Variants in TLN2 observed in about 807,000 individuals in gnomAD.
TLN2 encodes talin 2, also known as talin-2.
A neutral mutation model predicts 294.7 loss-of-function variants in TLN2; 118 were observed. That is an observed-to-expected ratio of 0.40 (90% CI 0.34 to 0.47). The LOEUF (loss-of-function observed/expected upper bound fraction) is 0.47, where lower values mean the gene tolerates loss of function less well. Among genes scored for constraint, TLN2 ranks in the 20% least tolerant of loss-of-function variants. TLN2 has a pLI of 0.84. For missense variants in TLN2, 3,083 were observed against 3,282.2 expected (o/e 0.94, Z 1.48); for synonymous variants, 1,431 against 1,304.5 (o/e 1.10, Z -2.09).
At chr15:62,441,144 A>T (rs558642175) in intron 1 of TLN2, among the ~76,000 whole-genome samples, 1 of 152,256 alleles carries the variant, frequency 6.6e-6, no homozygotes, top group African/African-American at 2.4e-5. Context: ...TTCCAGTACA[A>T]GCAGAGATGG....
chr15:62,754,039 G>A, intron 36 of TLN2, 123 bp downstream of exon 36: 1 of 1,293,658 alleles, frequency 7.7e-7, no homozygotes, highest in Non-Finnish European at 1.0e-6. Flanking sequence ...GTAGCTAAAT[G>A]CCAGCATTGT....
rs560104119 is a variant in TLN2 at position 62,559,026 on chromosome 15, C to G, written c.-237-30661C>G. On this transcript the variant is annotated intron_variant, in intron 1 of 58. Transcript: ENST00000636159. ...AATAATCCTTCATATTTTGGGGTGG[C>G]CTATTCTGGTCTCCCACATTCCTGA... Among the ~76,000 whole-genome samples the G allele has an allele frequency of 3.9e-5, 6 of 152,278 alleles. No homozygotes were observed. In the South Asian group the frequency reaches 1.0e-3, roughly 26 times the overall value.
At chr15:62,640,758 C>T (rs2050971996) in intron 3 of TLN2, among the ~76,000 whole-genome samples, 1 of 152,002 alleles carries the variant, frequency 6.6e-6, no homozygotes, top group Non-Finnish European at 1.5e-5. Context: ...TGTGTGACTG[C>T]GATAAGAATA....
rs898178787 is a variant in TLN2, at chr15:62,692,844, T to C, written c.1118T>C (p.Phe373Ser). 12 of 1,612,686 alleles carry C rather than the reference T, an allele frequency of 7.4e-6. No individual in the cohort carries two copies. The highest frequency in any genetic ancestry group is 2.2e-5 in the East Asian group (1 of 44,856). The change falls in exon 13 of 59, where the codon TTT becomes TCT. Residue 373 changes from phenylalanine (F) to serine (S), a missense_variant. Transcript: ENST00000636159. Reference sequence around the variant, plus strand: ...CCTCCATTGCTGTCTTTTCAGGATTTTGGGGAGTATCAGGAAAGCTACTAT... The same window carrying C: ...CCTCCATTGCTGTCTTTTCAGGATTCTGGGGAGTATCAGGAAAGCTACTAT... Reference protein sequence around the residue: ...AASPKSFTLDFGEYQESYYSV... With the variant: ...AASPKSFTLDSGEYQESYYSV...
At chr15:62,475,711 T>TCA (rs1308201914) in intron 1 of TLN2, among the ~76,000 whole-genome samples, 2 of 152,230 alleles carry the variant, frequency 1.3e-5, no homozygotes, top group African/African-American at 2.4e-5. Context: ...AGTTCTTTCT[T>TCA]GAACTTTGTT....
chr15:62,714,368 A>G (rs2059634749), intron 22 of TLN2, among the ~76,000 whole-genome samples: 1 of 151,666 alleles, frequency 6.6e-6, no homozygotes, highest in South Asian at 2.1e-4. Context: ...ACGCCCGGCT[A>G]ATTTTTTGTA....
At chr15:62,438,527 G>A (rs2035402102) in intron 1 of TLN2, among the ~76,000 whole-genome samples, 1 of 152,250 alleles carries the variant, frequency 6.6e-6, no homozygotes, top group African/African-American at 2.4e-5. Context: ...ACCACTTGCA[G>A]CATTTATTTA....
chr15:62,504,842 TGTGTGAGA>T (rs1362500559), intron 1 of TLN2, among the ~76,000 whole-genome samples: 107 of 143,546 alleles, frequency 7.5e-4, no homozygotes, highest in African/African-American at 2.6e-3. Context: ...TGTGTGTGTG[TGTGTGAGA>T]GAGAGAGAGA....
chr15:62,804,306 T>C (rs1017991483), intron 50 of TLN2, among the ~76,000 whole-genome samples: 1 of 152,118 alleles, frequency 6.6e-6, no homozygotes, highest in African/African-American at 2.4e-5. Context: ...TTATTTAAAA[T>C]TCACCCAGAG....
intron 25 of TLN2, among the ~76,000 whole-genome samples, chr15:62,720,433 T>G (rs566589410): frequency 6.6e-6 from 1 of 152,340 alleles, no homozygotes; most frequent in South Asian, 2.1e-4. Context: ...TCTCTCTACT[T>G]TATCAGCACT....
At chr15:62,485,560 C>T (rs1269148941) in intron 1 of TLN2, among the ~76,000 whole-genome samples, 1 of 152,188 alleles carries the variant, frequency 6.6e-6, no homozygotes, top group Non-Finnish European at 1.5e-5. Context: ...TGGTTGTGCT[C>T]TGAGAGCTTG....
At chr15:62,766,293 A>T (rs749354896) in intron 40 of TLN2, 28 bp from the exon 41 acceptor site, 26 of 1,596,428 alleles carry the variant, frequency 1.6e-5, no homozygotes, top group Non-Finnish European at 2.2e-5. Context: ...CTGTTATGGG[A>T]TGAACTTGAC....
chr15:62,807,404 C>T (rs967435401), intron 51 of TLN2, among the ~76,000 whole-genome samples: 6 of 152,318 alleles, frequency 3.9e-5, no homozygotes, highest in African/African-American at 1.2e-4. Flanking sequence ...ACCAAGGTCA[C>T]GCAGCTATTT....
At chr15:62,579,345 A>T (rs2044710200) in intron 1 of TLN2, among the ~76,000 whole-genome samples, 1 of 152,206 alleles carries the variant, frequency 6.6e-6, no homozygotes, top group Non-Finnish European at 1.5e-5. Flanking sequence ...TTTGAGGGTT[A>T]CAATAACTGC....
At chr15:62,452,117 G>A (rs550603889) in intron 1 of TLN2, among the ~76,000 whole-genome samples, 12 of 147,190 alleles carry the variant, frequency 8.2e-5, no homozygotes, top group African/African-American at 3.0e-4. Flanking sequence ...GCTGAGCATG[G>A]GGTGATGCCA....
chr15:62,509,643 G>T (rs2039827433), intron 1 of TLN2, among the ~76,000 whole-genome samples: 1 of 152,146 alleles, frequency 6.6e-6, no homozygotes, highest in Non-Finnish European at 1.5e-5. Context: ...TGGTCCTCTG[G>T]TCCCCTCCTT....
chr15:62,580,841 C>T (rs977762231), intron 1 of TLN2, among the ~76,000 whole-genome samples: 3 of 77,430 alleles, frequency 3.9e-5, no homozygotes, highest in Admixed American at 1.5e-4. Context: ...TTTTTTCCTG[C>T]CTTCGCCCCG....
At chr15:62,696,311 A>C (rs1214296596) in intron 14 of TLN2, among the ~76,000 whole-genome samples, 2 of 152,184 alleles carry the variant, frequency 1.3e-5, no homozygotes, top group Non-Finnish European at 2.9e-5. Context: ...AGGTTTGTCC[A>C]CTGGGCTTCT....
At chr15:62,580,303 A>G (rs1483665986) in intron 1 of TLN2, among the ~76,000 whole-genome samples, 2 of 152,184 alleles carry the variant, frequency 1.3e-5, no homozygotes, top group East Asian at 1.9e-4. Context: ...ATCCCATGCT[A>G]GGGTGGTACA....
Sources: gnomAD v4.1 joint callset for allele counts (sites outside exome capture counted in the v4.1 genomes callset) on GRCh38, gnomAD v4.1.1 for gene constraint, MANE v1.5 for transcripts, NCBI Gene and HGNC (gene_info 2026-07-23, HGNC 2026-07-21) for gene names.